ROBO2: variants seen among roughly 807,000 people sequenced by gnomAD.
ROBO2 encodes roundabout homolog 2.
ROBO2 carries 53 observed loss-of-function variants against 160.8 expected under a neutral mutation model. The ratio of observed to expected loss-of-function variants is 0.33; its 90% confidence interval spans 0.26 to 0.41. The LOEUF is 0.41. Among genes scored for constraint, ROBO2 ranks in the 10% least tolerant of loss-of-function variants. The pLI, the probability that ROBO2 is intolerant of heterozygous loss-of-function variation, is 1.00. For synonymous variants in ROBO2, 664 were observed against 611.7 expected (o/e 1.09, Z -1.26); for missense variants, 1,577 against 1,722.4 (o/e 0.92, Z 1.49).
chr3:76,174,495 A>C (rs2073157107), intron 2 of ROBO2, among the ~76,000 whole-genome samples: 2 of 152,166 alleles, frequency 1.3e-5, no homozygotes, highest in Admixed American at 6.5e-5. Context: ...TTATGGTTTT[A>C]GGTTTTATGT....
intron 2 of ROBO2, among the ~76,000 whole-genome samples, chr3:76,260,352 A>T (rs1007704266): frequency 4.6e-5 from 7 of 152,136 alleles, no homozygotes; most frequent in Admixed American, 1.3e-4. Context: ...AAAATAATAA[A>T]AACTCATATT....
intron 2 of ROBO2, among the ~76,000 whole-genome samples, chr3:77,327,896 C>CA (rs1004618481): frequency 2.0e-5 from 3 of 151,480 alleles, no homozygotes; most frequent in African/African-American, 7.3e-5. Flanking sequence ...ACTAAAAATA[C>CA]AAAAAATAGC....
chr3:76,287,149 A>T (rs1250877064), intron 2 of ROBO2, among the ~76,000 whole-genome samples: 2 of 152,172 alleles, frequency 1.3e-5, no homozygotes, highest in African/African-American at 4.8e-5. Flanking sequence ...AGAGGAATGT[A>T]CCACTAAAAG....
chr3:76,443,046 G>A (rs934361267), intron 2 of ROBO2, among the ~76,000 whole-genome samples: 2 of 151,930 alleles, frequency 1.3e-5, no homozygotes, highest in Non-Finnish European at 2.9e-5. Flanking sequence ...ATCTACTTCT[G>A]GTGAGGGCCT....
At chr3:76,704,482 A>C (rs940951136) in intron 2 of ROBO2, among the ~76,000 whole-genome samples, 2 of 152,160 alleles carry the variant, frequency 1.3e-5, no homozygotes, top group African/African-American at 4.8e-5. Context: ...GTATGAACTG[A>C]ATGATAGATG....
intron 2 of ROBO2, among the ~76,000 whole-genome samples, chr3:76,528,939 T>C (rs76775369): frequency 0.031 from 4,700 of 152,182 alleles, 237 homozygotes; most frequent in African/African-American, 0.1. Flanking sequence ...TCTCATATTC[T>C]GATAGGCCAA....
intron 2 of ROBO2, among the ~76,000 whole-genome samples, chr3:76,900,706 A>T (rs1179532661): frequency 1.3e-5 from 2 of 152,180 alleles, no homozygotes; most frequent in Non-Finnish European, 2.9e-5. Flanking sequence ...AGAAATAAAC[A>T]TTCCTGTGGC....
chr3:77,599,859 A>C (rs1368299954), intron 19 of ROBO2, among the ~76,000 whole-genome samples: 3 of 152,182 alleles, frequency 2.0e-5, no homozygotes, highest in African/African-American at 7.2e-5. Flanking sequence ...GCAACTATGA[A>C]AATGCAGACA....
At chr3:76,806,030 C>G (rs1366968994) in intron 2 of ROBO2, among the ~76,000 whole-genome samples, 2 of 151,780 alleles carry the variant, frequency 1.3e-5, no homozygotes, top group African/African-American at 4.8e-5. Context: ...GGTCTGCTTT[C>G]CCTATATCTG....
intron 2 of ROBO2, among the ~76,000 whole-genome samples, chr3:76,196,415 C>CAT (rs1702263591): frequency 6.6e-6 from 1 of 152,056 alleles, no homozygotes; most frequent in South Asian, 2.1e-4. Context: ...GAGAGAAACA[C>CAT]ATATATATTT....
intron 2 of ROBO2, among the ~76,000 whole-genome samples, chr3:76,551,737 C>A (rs2083435961): frequency 6.6e-6 from 1 of 152,114 alleles, no homozygotes; most frequent in Non-Finnish European, 1.5e-5. Context: ...TATGGGTGCC[C>A]ACAGTGGAAG....
intron 2 of ROBO2, among the ~76,000 whole-genome samples, chr3:76,035,372 G>A (rs1338617293): frequency 1.3e-5 from 2 of 151,664 alleles, no homozygotes; most frequent in Admixed American, 1.3e-4. Context: ...ATCTCAGCAT[G>A]GATTATCCCA....
chr3:76,104,529 A>C (rs1276460747), intron 2 of ROBO2, among the ~76,000 whole-genome samples: 1 of 152,168 alleles, frequency 6.6e-6, no homozygotes, highest in African/African-American at 2.4e-5. Flanking sequence ...GGTTGGATTA[A>C]TTGTCAATAA....
intron 2 of ROBO2, among the ~76,000 whole-genome samples, chr3:77,465,396 G>T (rs1271635858): frequency 6.6e-6 from 1 of 152,066 alleles, no homozygotes. Flanking sequence ...AAAGGAAATG[G>T]CTATGATTAT....
intron 2 of ROBO2, among the ~76,000 whole-genome samples, chr3:76,401,561 C>A (rs2077817431): frequency 6.6e-6 from 1 of 151,480 alleles, no homozygotes. Context: ...CAATTAACAA[C>A]AATAACGGAA....
At position 77,636,794 on chromosome 3, in the gene ROBO2, A is replaced by C. The variant is rs115976361; in HGVS notation, c.3934+1751A>C. ...AAACACTGTTAGTTTCAGGAAACAC[A>C]ATATTACTGGAAGATATCCATGTTC... On this transcript the variant is annotated intron_variant, in intron 24 of 25. Transcript: ENST00000461745. Among the ~76,000 whole-genome samples the C allele has an allele frequency of 4.6e-3, 699 of 152,332 alleles. 10 individuals carry two copies. The highest frequency in any genetic ancestry group is 0.016 in the African/African-American group (678 of 41,576).
chr3:77,114,876 A>G (rs1239625901), intron 2 of ROBO2, among the ~76,000 whole-genome samples: 1 of 152,156 alleles, frequency 6.6e-6, no homozygotes, highest in Non-Finnish European at 1.5e-5. Flanking sequence ...TTTCACCCAA[A>G]TAGCATAATT....
intron 2 of ROBO2, among the ~76,000 whole-genome samples, chr3:76,849,198 T>C (rs1247500524): frequency 6.6e-6 from 1 of 152,126 alleles, no homozygotes; most frequent in Admixed American, 6.5e-5. Flanking sequence ...ACCAGGAAAA[T>C]AACTTGGAAA....
At chr3:76,056,403 C>T (rs9824142) in intron 2 of ROBO2, among the ~76,000 whole-genome samples, 16,282 of 151,682 alleles carry the variant, frequency 0.11, 1,038 homozygotes, top group Non-Finnish European at 0.14. Flanking sequence ...CTTTAAATTG[C>T]GTGATATTTT....
Sources: gnomAD v4.1 joint callset for allele counts (sites outside exome capture counted in the v4.1 genomes callset) on GRCh38, gnomAD v4.1.1 for gene constraint, MANE v1.5 for transcripts, NCBI Gene and HGNC (gene_info 2026-07-23, HGNC 2026-07-21) for gene names.